PTPRG: variants seen among roughly 807,000 people sequenced by gnomAD.
PTPRG encodes the protein receptor-type tyrosine-protein phosphatase gamma.
Under a neutral mutation model 165.3 loss-of-function variants are expected in PTPRG, and 102 were observed. That is an observed-to-expected ratio of 0.62 (90% CI 0.53 to 0.73). PTPRG has a LOEUF of 0.73. Ranked by LOEUF, PTPRG falls within the 30% of genes least tolerant of loss-of-function variation. The pLI, the probability that PTPRG is intolerant of heterozygous loss-of-function variation, is 0.00. For missense variants in PTPRG, 1,866 were observed against 1,861.4 expected, an observed-to-expected ratio of 1.00 and a Z score of -0.05; for synonymous variants, 675 against 669.5, an observed-to-expected ratio of 1.01 and a Z score of -0.13.
intron 2 of PTPRG, among the ~76,000 whole-genome samples, chr3:61,794,677 A>T (rs977548018): frequency 6.6e-6 from 1 of 152,216 alleles, no homozygotes; most frequent in African/African-American, 2.4e-5. Context: ...ATGCATTTTA[A>T]CCATAATCTA....
At chr3:62,128,421 G>A (rs112075471) in intron 5 of PTPRG, among the ~76,000 whole-genome samples, 114 of 152,066 alleles carry the variant, frequency 7.5e-4, no homozygotes, top group African/African-American at 2.6e-3. Context: ...CATAAATTTG[G>A]ATCTTTTGAA....
chr3:62,162,423 T>C (rs1405462718), intron 7 of PTPRG, among the ~76,000 whole-genome samples: 1 of 152,248 alleles, frequency 6.6e-6, no homozygotes, highest in African/African-American at 2.4e-5. Flanking sequence ...AACTTTCATT[T>C]ATTTTTACTA....
chr3:62,185,620 A>G (rs1313543894), intron 8 of PTPRG, among the ~76,000 whole-genome samples: 3 of 152,224 alleles, frequency 2.0e-5, no homozygotes, highest in Non-Finnish European at 4.4e-5. Flanking sequence ...ACACACTCCC[A>G]TCTAAAGGAA....
chr3:62,079,906 C>G (rs1180671800), intron 5 of PTPRG, among the ~76,000 whole-genome samples: 1 of 152,160 alleles, frequency 6.6e-6, no homozygotes, highest in Non-Finnish European at 1.5e-5. Flanking sequence ...ATAGCGGACA[C>G]TTGGAAATTC....
chr3:62,094,091 G>T (rs1467623629), intron 5 of PTPRG, among the ~76,000 whole-genome samples: 1 of 152,152 alleles, frequency 6.6e-6, no homozygotes, highest in African/African-American at 2.4e-5. Flanking sequence ...ATCCCCAACT[G>T]ACAAATGAAA....
At chr3:62,092,439 G>GGAAAAAAAAAAAAAAAAA (rs369183881) in intron 5 of PTPRG, among the ~76,000 whole-genome samples, 2 of 89,430 alleles carry the variant, frequency 2.2e-5, no homozygotes, top group South Asian at 4.0e-4. Context: ...GAGTCCATCT[G>GGAAAAAAAAAAAAAAAAA]AAAAAAAAAA....
chr3:62,061,873 GC>G (rs552387856), intron 4 of PTPRG, among the ~76,000 whole-genome samples: 2 of 151,716 alleles, frequency 1.3e-5, no homozygotes, highest in South Asian at 4.2e-4. Flanking sequence ...CGGGTGATCT[GC>G]CTACTTCGGC....
intron 12 of PTPRG, among the ~76,000 whole-genome samples, chr3:62,207,363 T>C (rs1212026561): frequency 6.6e-6 from 1 of 152,242 alleles, no homozygotes; most frequent in East Asian, 1.9e-4. Context: ...GTAAAGGACG[T>C]GAGTGACCTG....
intron 1 of PTPRG, among the ~76,000 whole-genome samples, chr3:61,647,362 A>ATT (rs1398290483): frequency 6.6e-6 from 1 of 152,180 alleles, no homozygotes; most frequent in African/African-American, 2.4e-5. Context: ...ATACTATCTA[A>ATT]TTTAAGCCTC....
intron 1 of PTPRG, among the ~76,000 whole-genome samples, chr3:61,728,768 G>A (rs2032365073): frequency 6.6e-6 from 1 of 150,676 alleles, no homozygotes; most frequent in South Asian, 2.1e-4. Context: ...CAGGCCTGGT[G>A]GCTCATGCCT....
At chr3:62,092,439 GAAA>G (rs55955359) in intron 5 of PTPRG, among the ~76,000 whole-genome samples, 102 of 89,426 alleles carry the variant, frequency 1.1e-3, no homozygotes, top group African/African-American at 4.7e-3. Context: ...GAGTCCATCT[GAAA>G]AAAAAAAAAA....
At chr3:62,064,444 T>C (rs960178687) in intron 4 of PTPRG, among the ~76,000 whole-genome samples, 1 of 152,270 alleles carries the variant, frequency 6.6e-6, no homozygotes, top group African/African-American at 2.4e-5. Flanking sequence ...CTTGAACTCC[T>C]GGTCTGAAGC....
chr3:61,961,681 C>G (rs1193693166), intron 2 of PTPRG, among the ~76,000 whole-genome samples: 1 of 152,192 alleles, frequency 6.6e-6, no homozygotes, highest in Non-Finnish European at 1.5e-5. Context: ...CTACATTGCT[C>G]AGTCTCAACC....
chr3:61,832,706 T>C (rs1342009428), intron 2 of PTPRG, among the ~76,000 whole-genome samples: 1 of 152,210 alleles, frequency 6.6e-6, no homozygotes, highest in Non-Finnish European at 1.5e-5. Flanking sequence ...AATATTTATT[T>C]CTAGTTTGTA....
chr3:62,230,350 T>C (rs1559682325), intron 13 of PTPRG, among the ~76,000 whole-genome samples: 1 of 152,226 alleles, frequency 6.6e-6, no homozygotes, highest in African/African-American at 2.4e-5. Context: ...TGGAATTACA[T>C]ACCTGGCTTC....
chr3:61,652,683 C>G (rs188931405), intron 1 of PTPRG, among the ~76,000 whole-genome samples: 2 of 152,314 alleles, frequency 1.3e-5, no homozygotes, highest in East Asian at 3.9e-4. Flanking sequence ...TCAACCTTAG[C>G]ACTAGTGGTA....
At chr3:61,716,835 G>C (rs568155636) in intron 1 of PTPRG, among the ~76,000 whole-genome samples, 3 of 152,110 alleles carry the variant, frequency 2.0e-5, no homozygotes, top group African/African-American at 4.8e-5. Context: ...AGCTGGGTGC[G>C]GTGGCAGGCA....
intron 1 of PTPRG, among the ~76,000 whole-genome samples, chr3:61,581,304 C>G (rs936300362): frequency 4.6e-5 from 7 of 152,182 alleles, no homozygotes; most frequent in African/African-American, 1.7e-4. Context: ...GTTCCAGACA[C>G]TAGCTAATCA....
chr3:61,602,034 G>C (rs1700883255), intron 1 of PTPRG, among the ~76,000 whole-genome samples: 1 of 152,174 alleles, frequency 6.6e-6, no homozygotes, highest in Admixed American at 6.5e-5. Flanking sequence ...GGAAACAGTG[G>C]TGGAATTCCC....
Sources: gnomAD v4.1 joint callset for allele counts (sites outside exome capture counted in the v4.1 genomes callset) on GRCh38, gnomAD v4.1.1 for gene constraint, MANE v1.5 for transcripts, NCBI Gene and HGNC (gene_info 2026-07-23, HGNC 2026-07-21) for gene names.